Variants in FMNL3 observed in about 807,000 individuals in gnomAD.
FMNL3 encodes the protein formin-like protein 3.
FMNL3 carries 57 observed loss-of-function variants against 119.6 expected under a neutral mutation model. The ratio of observed to expected loss-of-function variants is 0.48; its 90% CI spans 0.39 to 0.59. The LOEUF is 0.59. Ranked by LOEUF, FMNL3 falls within the 20% of genes least tolerant of loss-of-function variation. FMNL3 has a pLI of 0.00. For missense variants in FMNL3, 1,053 were observed against 1,323.5 expected (o/e 0.80, Z 3.17); for synonymous variants, 491 against 507.3 (o/e 0.97, Z 0.43).
At chr12:49,659,822 AAC>A (rs1943680976) in intron 5 of FMNL3, 1 of 985,444 alleles carries the variant, frequency 1.0e-6, no homozygotes. Flanking sequence ...CCCTCTGAGA[AAC>A]AGTCCCTCTC....
chr12:49,700,490 G>A (rs1199339499), intron 1 of FMNL3, among the ~76,000 whole-genome samples: 2 of 150,218 alleles, frequency 1.3e-5, no homozygotes, highest in African/African-American at 2.5e-5. Flanking sequence ...CGAGGCAGGT[G>A]GGTCGCGTGA....
At chr12:49,665,729 G>T in intron 4 of FMNL3, 103 bp downstream of exon 4, 1 of 1,232,274 alleles carries the variant, frequency 8.1e-7, no homozygotes, top group Non-Finnish European at 1.2e-6. Context: ...CCCCATGGCA[G>T]GGAAGATGAA....
intron 1 of FMNL3, among the ~76,000 whole-genome samples, chr12:49,692,994 G>T (rs1156854118): frequency 2.0e-5 from 3 of 152,164 alleles, no homozygotes; most frequent in Non-Finnish European, 4.4e-5. Context: ...TGTCCTGAAC[G>T]AAAGAGGGCT....
At position 49,649,252 on chromosome 12, in the gene FMNL3, A is replaced by G. The variant is rs1184414269; in HGVS notation, c.2385+7T>C. ...CTTCCTGGCCCACGCTGCCCTCACC[A>G]TCTTACCAGATCCAGGCTCTGGAGC... On this transcript the variant is annotated splice_region_variant and intron_variant, in intron 20 of 25. Coordinates refer to ENST00000335154, the MANE Select transcript of FMNL3 (RefSeq NM_175736.5). The surrounding 1 kb of genome is among the most constrained non-coding windows in gnomAD (Gnocchi z 5.6). 2.2e-5 allele frequency: 35 copies of G among 1,614,010 alleles called. No individual in the cohort carries two copies. Among genetic ancestry groups the G allele is most frequent in the Admixed American group, 3.3e-5 (2 of 60,004 alleles).
At chr12:49,668,606 A>G in intron 1 of FMNL3, 52 bp from the exon 2 acceptor site, 1 of 1,536,616 alleles carries the variant, frequency 6.5e-7, no homozygotes, top group Middle Eastern at 1.7e-4. Context: ...CATCTGGAAA[A>G]GAGAAAGACT....
chr12:49,643,569 G>C lies in FMNL3; in HGVS notation c.*2246C>G. ...AGCAAGAAGCTGGAGAAGGAAAACT[G>C]GACTTAGACTTCCTCAGAGCATGAG... On this transcript the variant is annotated 3_prime_UTR_variant, in exon 26 of 26. Coordinates refer to ENST00000335154, the MANE Select transcript of FMNL3 (RefSeq NM_175736.5). 7.3e-7 allele frequency: 1 copy of C among 1,367,582 alleles called. No homozygotes were observed. Among genetic ancestry groups the C allele is most frequent in the Non-Finnish European group, 9.9e-7 (1 of 1,010,964 alleles). 84.7% of individuals were successfully genotyped at this position (1,367,582 alleles called of 1,614,324 possible).
chr12:49,656,519 T>A (rs1943574247), intron 8 of FMNL3, 22 bp from the exon 9 acceptor site: 1 of 1,602,484 alleles, frequency 6.2e-7, no homozygotes, highest in Non-Finnish European at 8.5e-7. Flanking sequence ...AGAAGGAAGA[T>A]TAACACCCTA....
In FMNL3 at chr12:49,640,100, A is replaced by T. The variant is rs1293310355; in HGVS notation, c.*5715T>A. On this transcript the variant is annotated 3_prime_UTR_variant, in exon 26 of 26. Transcript: ENST00000335154. ...TTGGGTTCCTGCCTATGGAGGGCAG[A>T]TGAGCCCAGGAGTCCCTCTTGCTTT... is the stretch of plus-strand genomic sequence containing the variant. 1 of 152,222 alleles carries T rather than the reference A, an allele frequency of 6.6e-6. No individual in the cohort carries two copies. Among genetic ancestry groups the T allele is most frequent in the Admixed American group, 6.5e-5 (1 of 15,286 alleles). The allele number at this position is 152,222 out of a possible 1,614,324, so 9.4% of individuals were successfully genotyped here.
intron 8 of FMNL3, 29 bp downstream of exon 8, chr12:49,656,793 TG>T (rs758110642): frequency 2.5e-6 from 4 of 1,578,514 alleles, no homozygotes; most frequent in Non-Finnish European, 3.5e-6. Context: ...CTGGACAGAG[TG>T]GGGAGGAAAG....
Position 49,642,124 on chromosome 12 carries a change from G to T in FMNL3, c.*3691C>A. On this transcript the variant is annotated 3_prime_UTR_variant, in exon 26 of 26. Transcript: ENST00000335154. This position sits in a 1 kb window ranked among gnomAD's most constrained non-coding sequence, Gnocchi z 5.8. ...CCACTGACTATATTCCCAATTCAGG[G>T]GATGGTGGTAGAAGCCCAGACCCTA... is the stretch of plus-strand genomic sequence containing the variant. 1 of 1,603,718 alleles carries T rather than the reference G, an allele frequency of 6.2e-7. No homozygotes were observed. The highest frequency in any genetic ancestry group is 1.1e-5 in the South Asian group (1 of 90,374).
intron 1 of FMNL3, among the ~76,000 whole-genome samples, chr12:49,680,096 C>G (rs1745177199): frequency 6.6e-6 from 1 of 152,204 alleles, no homozygotes; most frequent in South Asian, 2.1e-4. Context: ...AGCAAGTATG[C>G]CTGGCACACA....
intron 1 of FMNL3, among the ~76,000 whole-genome samples, chr12:49,688,052 G>T (rs181072137): frequency 6.6e-5 from 10 of 152,334 alleles, no homozygotes; most frequent in Admixed American, 3.3e-4. Flanking sequence ...CTCAGCTATA[G>T]TTATAGGTCA....
Position 49,637,143 on chromosome 12 carries a change from C to G in FMNL3, c.*8672G>C. On this transcript the variant is annotated 3_prime_UTR_variant, in exon 26 of 26. Coordinates refer to ENST00000335154, the MANE Select transcript of FMNL3 (RefSeq NM_175736.5). ...TGTTTATTTCCCTTGGTGGGGCACC[C>G]GACAGGCAGAGTTTATTCCCTCAGC... The G allele has an allele frequency of 1.7e-6, 1 of 573,820 alleles. No homozygotes were observed. Among genetic ancestry groups the G allele is most frequent in the Non-Finnish European group, 3.1e-6 (1 of 323,266 alleles). 35.5% of individuals were successfully genotyped at this position (573,820 alleles called of 1,614,324 possible).
chr12:49,665,177 A>G (rs906768852), intron 4 of FMNL3, among the ~76,000 whole-genome samples: 3 of 151,586 alleles, frequency 2.0e-5, no homozygotes, highest in Admixed American at 6.6e-5. Flanking sequence ...TGTACCTTAC[A>G]CATTAGCTCT....
chr12:49,642,513 C>A lies in FMNL3; in HGVS notation c.*3302G>T. 6.3e-7 allele frequency: 1 copy of A among 1,591,184 alleles called. No homozygotes were observed. Among genetic ancestry groups the A allele is most frequent in the Non-Finnish European group, 8.6e-7 (1 of 1,160,384 alleles). Reference sequence around the variant, plus strand: ...TTCTCTGCCCCAGCCCTGCCCTGTGCTCATGGCGGTGTCCAGGCCAGGCTG... The same window carrying A: ...TTCTCTGCCCCAGCCCTGCCCTGTGATCATGGCGGTGTCCAGGCCAGGCTG... On this transcript the variant is annotated 3_prime_UTR_variant, in exon 26 of 26. Transcript: ENST00000335154. This position sits in a 1 kb window ranked among gnomAD's most constrained non-coding sequence, Gnocchi z 5.8.
At chr12:49,695,622 C>T (rs1944730146) in intron 1 of FMNL3, among the ~76,000 whole-genome samples, 1 of 152,132 alleles carries the variant, frequency 6.6e-6, no homozygotes, top group Non-Finnish European at 1.5e-5. Flanking sequence ...TTTCCTTAAC[C>T]TTTACAAGTT....
Position 49,649,057 on chromosome 12 carries a change from C to T in FMNL3, c.2487G>A (p.Glu829=). Residue 829 remains glutamate (E), a synonymous_variant, in exon 21 of 26, where the codon GAG becomes GAA. Coordinates refer to ENST00000335154, the MANE Select transcript of FMNL3 (RefSeq NM_175736.5). This position sits in a 1 kb window ranked among gnomAD's most constrained non-coding sequence, Gnocchi z 5.6. The stretch of plus-strand genomic sequence containing the variant: ...CTGCAGCCTTCTCAACAAAGTGCAG[C>T]TCATGCCAGAAGTTAGCCAGGTCTG... ...KYPDLANFWH[E]LHFVEKAAAV... 5 of 1,608,266 alleles carry T rather than the reference C, an allele frequency of 3.1e-6. No homozygotes were observed. The highest frequency in any genetic ancestry group is 4.2e-6 in the Non-Finnish European group (5 of 1,177,054).
chr12:49,647,299 C>G lies in FMNL3; in HGVS notation c.2848G>C (p.Glu950Gln), dbSNP rs1565863545. Residue 950 changes from glutamate to glutamine, a missense_variant, in exon 24 of 26, where the codon GAA (glutamate) becomes CAA (glutamine). Transcript: ENST00000335154. This position sits in a 1 kb window ranked among gnomAD's most constrained non-coding sequence, Gnocchi z 4.9. ...ACCTTGGCATCCAGTTTCTTGGCTT[C>G]CTGAGCCAGCTGCTTCTCCCGCATT... ...EVMREKQLAQ[E>Q]AKKLDAKTPS... 1 of 1,614,044 alleles carries G rather than the reference C, an allele frequency of 6.2e-7. No homozygotes were observed. The highest frequency in any genetic ancestry group is 2.2e-5 in the East Asian group (1 of 44,876).
intron 21 of FMNL3, among the ~76,000 whole-genome samples, chr12:49,648,764 G>T (rs1191770061): frequency 3.9e-5 from 6 of 152,236 alleles, no homozygotes; most frequent in Non-Finnish European, 7.3e-5. Context: ...GGAGTTGGGA[G>T]TAAAGAGCGA....
Sources: gnomAD v4.1 joint callset for allele counts (sites outside exome capture counted in the v4.1 genomes callset) on GRCh38, gnomAD v4.1.1 for gene constraint, Gnocchi (gnomAD v3.1) non-coding constraint, MANE v1.5 for transcripts, NCBI Gene and HGNC (gene_info 2026-07-23, HGNC 2026-07-21) for gene names.